Variants in DPF3 observed in about 807,000 individuals in gnomAD.
DPF3 encodes zinc finger protein DPF3.
A neutral mutation model predicts 56.8 loss-of-function variants in DPF3; 18 were observed. That is an observed-to-expected ratio of 0.32 (90% CI 0.22 to 0.47). DPF3 has a LOEUF of 0.47. Ranked by LOEUF, DPF3 falls within the 20% of genes least tolerant of loss-of-function variation. The pLI, the probability that DPF3 is intolerant of heterozygous loss-of-function variation, is 1.00. For synonymous variants in DPF3, 188 were observed against 180.2 expected (o/e 1.04, Z -0.35); for missense variants, 403 against 488.8 (o/e 0.82, Z 1.65).
At chr14:72,764,552 G>A (rs1451505186) in intron 2 of DPF3, among the ~76,000 whole-genome samples, 3 of 116,950 alleles carry the variant, frequency 2.6e-5, no homozygotes, top group South Asian at 3.1e-4. Flanking sequence ...GCAGTGGCAC[G>A]AACTCGGCTC....
At chr14:72,807,577 C>T (rs978400401) in intron 1 of DPF3, among the ~76,000 whole-genome samples, 1 of 152,144 alleles carries the variant, frequency 6.6e-6, no homozygotes, top group Admixed American at 6.5e-5. Flanking sequence ...AGTTGGCTCA[C>T]GCCTGTAATC....
At chr14:72,751,694 G>A (rs1890581589) in intron 3 of DPF3, among the ~76,000 whole-genome samples, 1 of 152,180 alleles carries the variant, frequency 6.6e-6, no homozygotes, top group Non-Finnish European at 1.5e-5. Context: ...ATGACATGCT[G>A]AAATGATGTT....
At chr14:72,718,743 T>C (rs1213871578) in intron 5 of DPF3, among the ~76,000 whole-genome samples, 2 of 148,606 alleles carry the variant, frequency 1.3e-5, no homozygotes, top group African/African-American at 2.5e-5. Flanking sequence ...ATCAAAAAAA[T>C]TGAGAACCAC....
intron 6 of DPF3, among the ~76,000 whole-genome samples, chr14:72,711,509 T>A (rs1567208095): frequency 6.6e-6 from 1 of 152,082 alleles, no homozygotes; most frequent in Non-Finnish European, 1.5e-5. Context: ...AGGGCATAAG[T>A]AAGGAGATAT....
chr14:72,712,243 C>T (rs1466819065), intron 6 of DPF3, among the ~76,000 whole-genome samples: 2 of 152,152 alleles, frequency 1.3e-5, no homozygotes, highest in African/African-American at 2.4e-5. Context: ...GAGAAGCAAA[C>T]GTCACTGAGA....
chr14:72,677,000 C>T (rs1053412256), intron 7 of DPF3, among the ~76,000 whole-genome samples: 3 of 152,026 alleles, frequency 2.0e-5, no homozygotes, highest in Admixed American at 1.3e-4. Flanking sequence ...ATTCAGCCTT[C>T]GTAAAAAGAC....
At chr14:72,715,902 A>C (rs764486795) in intron 5 of DPF3, among the ~76,000 whole-genome samples, 1 of 133,170 alleles carries the variant, frequency 7.5e-6, no homozygotes, top group Non-Finnish European at 1.5e-5. Flanking sequence ...CTCATTACTC[A>C]GAGTTGACCC....
intron 8 of DPF3, among the ~76,000 whole-genome samples, chr14:72,667,006 G>A (rs1356465446): frequency 6.6e-6 from 1 of 152,172 alleles, no homozygotes; most frequent in Admixed American, 6.5e-5. Flanking sequence ...CTCTCCCTGA[G>A]TAATGATCTT....
At chr14:72,834,119 C>G (rs1052986152) in intron 1 of DPF3, among the ~76,000 whole-genome samples, 1 of 151,530 alleles carries the variant, frequency 6.6e-6, no homozygotes, top group African/African-American at 2.4e-5. Flanking sequence ...AGAAGGTTGC[C>G]GTGAGCCGAG....
chr14:72,701,506 C>T (rs1888159190), intron 6 of DPF3, among the ~76,000 whole-genome samples: 1 of 152,332 alleles, frequency 6.6e-6, no homozygotes, highest in Admixed American at 6.5e-5. Flanking sequence ...CTGCACGCCC[C>T]CTGCCCTCCT....
At chr14:72,859,674 G>A (rs1415447749) in intron 1 of DPF3, among the ~76,000 whole-genome samples, 4 of 152,068 alleles carry the variant, frequency 2.6e-5, no homozygotes, top group African/African-American at 4.8e-5. Flanking sequence ...TACTGGGGGC[G>A]AGGGTCACAG....
In DPF3 at chr14:72,766,027, T is replaced by C. The variant is rs1257645188; in HGVS notation, c.193+5706A>G. Among the ~76,000 whole-genome samples the C allele has an allele frequency of 7.2e-5, 11 of 152,318 alleles. No individual in the cohort carries two copies. The East Asian group carries it at 1.9e-3, about 27-fold the overall frequency. On this transcript the variant is annotated intron_variant, in intron 2 of 10. Coordinates refer to ENST00000556509, the MANE Select transcript of DPF3 (RefSeq NM_001280542.3). Reference sequence around the variant, plus strand: ...GAGGCATGGAGAAGCGCAGGAAGGATAGATTTCTAAACACATAGGAAACCT... The same window carrying C: ...GAGGCATGGAGAAGCGCAGGAAGGACAGATTTCTAAACACATAGGAAACCT...
At chr14:72,717,609 C>T (rs568613634) in intron 5 of DPF3, among the ~76,000 whole-genome samples, 3 of 152,208 alleles carry the variant, frequency 2.0e-5, no homozygotes, top group Non-Finnish European at 4.4e-5. Flanking sequence ...TTTATTATGA[C>T]CCCCTAACAC....
intron 8 of DPF3, among the ~76,000 whole-genome samples, chr14:72,672,884 TA>T (rs1259576926): frequency 6.6e-6 from 1 of 152,110 alleles, no homozygotes; most frequent in Non-Finnish European, 1.5e-5. Context: ...TGCTTGCTTT[TA>T]AAAAAACACT....
rs140124002 is a variant in DPF3, at chr14:72,864,828, G to A, written c.32+29229C>T. On this transcript the variant is annotated intron_variant, in intron 1 of 10. Coordinates refer to ENST00000556509, the MANE Select transcript of DPF3 (RefSeq NM_001280542.3). ...AAGCACTGCAGGCTGGGAGGTCAACGAGGAAGCTCCTGCCAGTGTCCCCAC... is the reference window on the plus strand; with the variant it reads ...AAGCACTGCAGGCTGGGAGGTCAACAAGGAAGCTCCTGCCAGTGTCCCCAC... Among the ~76,000 whole-genome samples the A allele has an allele frequency of 1.4e-3, 208 of 152,328 alleles. 3 individuals carry two copies. The highest frequency in any genetic ancestry group is 4.6e-3 in the African/African-American group (193 of 41,576).
chr14:72,740,798 C>T (rs970908043), intron 3 of DPF3, among the ~76,000 whole-genome samples: 5 of 152,156 alleles, frequency 3.3e-5, no homozygotes, highest in African/African-American at 7.2e-5. Flanking sequence ...ATGGGTGCCT[C>T]GGGGCTGAGT....
intron 9 of DPF3, among the ~76,000 whole-genome samples, chr14:72,624,679 C>T (rs531408953): frequency 2.0e-5 from 3 of 152,286 alleles, no homozygotes; most frequent in South Asian, 4.1e-4. Context: ...ATCCAAGATC[C>T]CTCATTGCAT....
At chr14:72,859,629 G>C (rs1885317681) in intron 1 of DPF3, among the ~76,000 whole-genome samples, 1 of 152,132 alleles carries the variant, frequency 6.6e-6, no homozygotes, top group Non-Finnish European at 1.5e-5. Flanking sequence ...TCCGCTCAAA[G>C]TCAGCTGTTT....
chr14:72,735,901 G>A (rs1238650607), intron 3 of DPF3, among the ~76,000 whole-genome samples: 1 of 152,192 alleles, frequency 6.6e-6, no homozygotes, highest in Non-Finnish European at 1.5e-5. Context: ...GTGATAAATA[G>A]GGTAGAAGAT....
Sources: gnomAD v4.1 joint callset for allele counts (sites outside exome capture counted in the v4.1 genomes callset) on GRCh38, gnomAD v4.1.1 for gene constraint, MANE v1.5 for transcripts, NCBI Gene and HGNC (gene_info 2026-07-23, HGNC 2026-07-21) for gene names.